Variants in PHF21B observed in about 807,000 individuals in gnomAD.
The protein encoded by PHF21B is PHD finger protein 4.
Under a neutral mutation model 62.2 loss-of-function variants are expected in PHF21B, and 22 were observed. The ratio of observed to expected loss-of-function variants is 0.35; its 90% CI spans 0.25 to 0.51. The LOEUF is 0.51. Among genes scored for constraint, PHF21B ranks in the 20% least tolerant of loss-of-function variants. The probability of loss-of-function intolerance (pLI) is 0.97; values close to 1 mark genes in which losing one functional copy is unlikely to be tolerated. For missense variants in PHF21B, 701 were observed against 707.9 expected, an observed-to-expected ratio of 0.99 and a Z score of 0.11; for synonymous variants, 341 against 314.7, an observed-to-expected ratio of 1.08 and a Z score of -0.88.
chr22:44,978,774 G>A (rs535100951), intron 2 of PHF21B, among the ~76,000 whole-genome samples: 58 of 152,258 alleles, frequency 3.8e-4, no homozygotes, highest in African/African-American at 1.3e-3. Context: ...GCTCCCGTAG[G>A]AGCTAACCAA....
chr22:44,969,165 ATGCTC>A (rs1289594690), intron 2 of PHF21B: 1 of 152,266 alleles, frequency 6.6e-6, no homozygotes, highest in Non-Finnish European at 1.5e-5. Context: ...CACGTGATCC[ATGCTC>A]GCCTGGCCCT....
intron 5 of PHF21B, among the ~76,000 whole-genome samples, chr22:44,905,424 C>T (rs1366535137): frequency 6.6e-6 from 1 of 152,136 alleles, no homozygotes; most frequent in Non-Finnish European, 1.5e-5. Flanking sequence ...TTCGTTATTC[C>T]TTATTTCTAG....
At chr22:45,008,822 C>A in intron 1 of PHF21B, 1 of 1,183,824 alleles carries the variant, frequency 8.4e-7, no homozygotes, top group South Asian at 4.2e-5. Flanking sequence ...CGGGGCAGCT[C>A]GCGGGGCGGG....
intron 2 of PHF21B, among the ~76,000 whole-genome samples, chr22:44,974,307 G>A (rs887020381): frequency 4.6e-5 from 7 of 151,900 alleles, no homozygotes; most frequent in African/African-American, 1.5e-4. Flanking sequence ...CCAGCTACTC[G>A]GGAGGCTGAG....
intron 6 of PHF21B, among the ~76,000 whole-genome samples, chr22:44,893,964 T>C (rs2071012817): frequency 6.6e-6 from 1 of 152,232 alleles, no homozygotes; most frequent in Non-Finnish European, 1.5e-5. Flanking sequence ...AGGTGGCCTC[T>C]GCCCCAGTGC....
At chr22:44,994,149 G>A (rs564457193) in intron 2 of PHF21B, among the ~76,000 whole-genome samples, 1 of 152,376 alleles carries the variant, frequency 6.6e-6, no homozygotes, top group African/African-American at 2.4e-5. Flanking sequence ...GGTAGGCAGG[G>A]CTAGCTTCAG....
chr22:44,918,455 G>A (rs999399994), intron 3 of PHF21B, among the ~76,000 whole-genome samples: 5 of 152,322 alleles, frequency 3.3e-5, no homozygotes, highest in Admixed American at 2.0e-4. Flanking sequence ...ACCTTCAGGG[G>A]ACCTTGGAGC....
chr22:45,000,559 A>C (rs5766277), intron 2 of PHF21B: 3 of 152,018 alleles, frequency 2.0e-5, no homozygotes, highest in African/African-American at 7.3e-5. Flanking sequence ...TGGGACTACC[A>C]AAGTTATTAT....
intron 3 of PHF21B, among the ~76,000 whole-genome samples, chr22:44,918,752 A>C (rs1412657359): frequency 6.6e-6 from 1 of 152,246 alleles, no homozygotes; most frequent in Non-Finnish European, 1.5e-5. Flanking sequence ...CAGCAAGGAC[A>C]AAACATGGAG....
At chr22:44,918,123 T>C (rs2071471703) in intron 3 of PHF21B, among the ~76,000 whole-genome samples, 1 of 152,230 alleles carries the variant, frequency 6.6e-6, no homozygotes, top group Non-Finnish European at 1.5e-5. Flanking sequence ...CTTTAAAAAA[T>C]CCATCTTCTC....
At chr22:44,992,812 C>T (rs949240611) in intron 2 of PHF21B, among the ~76,000 whole-genome samples, 4 of 152,184 alleles carry the variant, frequency 2.6e-5, no homozygotes, top group African/African-American at 7.2e-5. Flanking sequence ...GAGAGGCTCT[C>T]GGGACCCTAC....
In PHF21B at chr22:44,885,948, A is replaced by C; in HGVS notation, c.1198-10T>G. The C allele has an allele frequency of 1.2e-6, 2 of 1,613,566 alleles. No individual in the cohort carries two copies. The highest frequency in any genetic ancestry group is 1.7e-6 in the Non-Finnish European group (2 of 1,179,774). On this transcript the variant is annotated splice_polypyrimidine_tract_variant and intron_variant, in intron 10 of 12. Transcript: ENST00000313237. ...CGTCTTTCTTTAAGGCCTGGGGAGC[A>C]GACGGGGAGATGAAAAAGTGGACAG...
chr22:44,885,899 G>A lies in PHF21B; in HGVS notation c.1237C>T (p.Leu413=). 1.9e-6 allele frequency: 3 copies of A among 1,614,122 alleles called. No homozygotes were observed. The highest frequency in any genetic ancestry group is 1.3e-5 in the African/African-American group (1 of 75,048). ...KDEGVPWTGM[L]AIVHSYVTHK... ...GTGACATAAGAGTGCACGATGGCCA[G>A]CATCCCAGTCCAGGGCACACCCTCG... The change falls in exon 11 of 13, where the codon CTG becomes TTG. Residue 413 remains leucine (L), a synonymous_variant. Transcript: ENST00000313237.
At chr22:44,940,319 G>C (rs1207760398) in intron 2 of PHF21B, among the ~76,000 whole-genome samples, 2 of 152,180 alleles carry the variant, frequency 1.3e-5, no homozygotes, top group Non-Finnish European at 2.9e-5. Flanking sequence ...TGCACCCAGC[G>C]CCAATGCCAC....
chr22:44,985,808 C>T (rs1356511074), intron 2 of PHF21B, among the ~76,000 whole-genome samples: 1 of 151,828 alleles, frequency 6.6e-6, no homozygotes, highest in African/African-American at 2.4e-5. Context: ...CTATCAACAC[C>T]ATCACCATCA....
At chr22:44,983,430 G>C (rs1235668386) in intron 2 of PHF21B, among the ~76,000 whole-genome samples, 1 of 152,108 alleles carries the variant, frequency 6.6e-6, no homozygotes, top group South Asian at 2.1e-4. Context: ...CTCAGGCAGA[G>C]GCTTCAGCAT....
intron 11 of PHF21B, 55 bp from the exon 12 acceptor site, chr22:44,885,584 C>A: frequency 6.7e-7 from 1 of 1,502,174 alleles, no homozygotes; most frequent in South Asian, 1.2e-5. Context: ...GCGGCTGGGT[C>A]GTAGAGTAAA....
intron 2 of PHF21B, among the ~76,000 whole-genome samples, chr22:44,968,163 T>A (rs921748020): frequency 3.3e-5 from 5 of 152,068 alleles, no homozygotes; most frequent in African/African-American, 4.8e-5. Context: ...CCTTAAGGGG[T>A]GAGAGTTACC....
At position 44,913,981 on chromosome 22, in the gene PHF21B, G is replaced by A. The variant is rs1569224251; in HGVS notation, c.672C>T (p.Pro224=). 1 of 1,609,478 alleles carries A rather than the reference G, an allele frequency of 6.2e-7. No individual in the cohort carries two copies. Among genetic ancestry groups the A allele is most frequent in the African/African-American group, 1.3e-5 (1 of 74,834 alleles). The change falls in exon 5 of 13, where the codon CCC becomes CCT. Residue 224 remains proline (P), a synonymous_variant. Coordinates refer to ENST00000313237, the MANE Select transcript of PHF21B (RefSeq NM_138415.5). The part of the protein sequence containing the change: ...TPPSPSLSPS[P]LHGIFQVIII... The stretch of plus-strand genomic sequence containing the variant: ...TGATGACCTGGAAGATGCCATGGAG[G>A]GGTGAAGGGGACAGTGATGGGGAGG...
Sources: allele counts gnomAD v4.1 joint callset (sites outside exome capture counted in the v4.1 genomes callset), GRCh38; gene constraint gnomAD v4.1.1; transcripts MANE v1.5; gene names NCBI Gene and HGNC (gene_info 2026-07-23, HGNC 2026-07-21).